The following CCDC127 variants were observed in gnomAD, a reference collection of about 807,000 sequenced individuals.
CCDC127 encodes the protein coiled-coil domain containing 127, also known as coiled-coil domain-containing protein 127.
CCDC127 carries 2 observed loss-of-function variants against 4.1 expected under a neutral mutation model. The observed-to-expected ratio is 0.49, with a 90% confidence interval of 0.20 to 1.53. The LOEUF is 1.53. Ranked by LOEUF, CCDC127 falls within the 40% of genes most tolerant of loss-of-function variation. The pLI is 0.23. For synonymous variants in CCDC127, 98 were observed against 120.4 expected (o/e 0.81, Z 1.22); for missense variants, 271 against 322.9 (o/e 0.84, Z 1.23).
In CCDC127 at chr5:196,919, C is replaced by T. The variant is rs1039726317; in HGVS notation, c.*8378G>A. Reference sequence around the variant, plus strand: ...GGACCGGCGCTCAGCATACCAAGGACCTGCACTGGCACCGGCCTCTGAGTT... The same window carrying T: ...GGACCGGCGCTCAGCATACCAAGGATCTGCACTGGCACCGGCCTCTGAGTT... On this transcript the variant is annotated 3_prime_UTR_variant, in exon 3 of 3. Transcript: ENST00000296824. 7 of 142,640 alleles carry T rather than the reference C, an allele frequency of 4.9e-5. No individual in the cohort carries two copies. Among genetic ancestry groups the T allele is most frequent in the African/African-American group, 1.8e-4 (7 of 39,096 alleles). 8.8% of individuals were successfully genotyped at this position (142,640 alleles called of 1,614,324 possible).
chr5:205,903 G>A lies in CCDC127; in HGVS notation c.177C>T (p.Tyr59=). 6.2e-7 allele frequency: 1 copy of A among 1,614,142 alleles called. No homozygotes were observed. Among genetic ancestry groups the A allele is most frequent in the Non-Finnish European group, 8.5e-7 (1 of 1,180,014 alleles). ...GTTGAAAAGCAGCAGTTCTCCGACG[G>A]TAGGCTTCTCTCTCTTTTTCTACTT... ...QKEVEKEREA[Y]RRRTAAFQQD... Residue 59 remains tyrosine, a synonymous_variant, in exon 3 of 3, where the codon TAC becomes TAT. Coordinates refer to ENST00000296824, the MANE Select transcript of CCDC127 (RefSeq NM_145265.3).
In CCDC127 at chr5:199,303, GC is replaced by G; in HGVS notation, c.*5993del. ...CAGTGGCCCCTGTGTGGTGGACGTG[GC>G]CCCTCTGTGTGGTGGACGTGGCCCC... is the stretch of plus-strand genomic sequence containing the variant. On this transcript the variant is annotated 3_prime_UTR_variant, in exon 3 of 3. Transcript: ENST00000296824. 1 of 154,588 alleles carries G rather than the reference GC, an allele frequency of 6.5e-6. No individual in the cohort carries two copies. Among genetic ancestry groups the G allele is most frequent in the Non-Finnish European group, 1.4e-5 (1 of 73,066 alleles). The allele number at this position is 154,588 out of a possible 1,614,324, so 9.6% of individuals were successfully genotyped here.
In CCDC127 at chr5:197,846, TCCC is replaced by T. The variant is rs1733997092; in HGVS notation, c.*7448_*7450del. ...CCCCAGTGGTCCCTGTGTCACCCCC[TCCC>T]CGAGTGTGTCCCCACCCCAGGGGCC... is the stretch of plus-strand genomic sequence containing the variant. On this transcript the variant is annotated 3_prime_UTR_variant, in exon 3 of 3. Transcript: ENST00000296824. 4.1e-5 allele frequency: 1 copy of T among 24,242 alleles called. No individual in the cohort carries two copies. Among genetic ancestry groups the T allele is most frequent in the African/African-American group, 1.9e-4 (1 of 5,250 alleles). The allele number at this position is 24,242 out of a possible 1,614,324, so 1.5% of individuals were successfully genotyped here. A position where few individuals can be genotyped will look rare whatever the true frequency, so the allele number is the denominator to read the frequency against.
In CCDC127 at chr5:205,192, G is replaced by T; in HGVS notation, c.*105C>A. 1 of 1,047,818 alleles carries T rather than the reference G, an allele frequency of 9.5e-7. No homozygotes were observed. The highest frequency in any genetic ancestry group is 1.4e-6 in the Non-Finnish European group (1 of 714,742). 64.9% of individuals were successfully genotyped at this position (1,047,818 alleles called of 1,614,324 possible). On this transcript the variant is annotated 3_prime_UTR_variant, in exon 3 of 3. Coordinates refer to ENST00000296824, the MANE Select transcript of CCDC127 (RefSeq NM_145265.3). ...GAGGTCGCTGCTGAAGGGTGACGGT[G>T]TGGCCATGACACGGGCAGCACGGGA...
intron 2 of CCDC127, chr5:215,398 G>A (rs1274059355): frequency 6.6e-6 from 1 of 152,218 alleles, no homozygotes; most frequent in Non-Finnish European, 1.5e-5. Flanking sequence ...AGCTGGAGAT[G>A]AGTCTGAAAA....
In CCDC127 at chr5:200,816, C is replaced by T. The variant is rs1258891658; in HGVS notation, c.*4481G>A. On this transcript the variant is annotated 3_prime_UTR_variant, in exon 3 of 3. Coordinates refer to ENST00000296824, the MANE Select transcript of CCDC127 (RefSeq NM_145265.3). ...GCGCAGTTACTCACACAAGTCAAGG[C>T]AGACGGAGCAAGCCCAGCACTTTCT... 1 of 152,338 alleles carries T rather than the reference C, an allele frequency of 6.6e-6. No individual in the cohort carries two copies. The highest frequency in any genetic ancestry group is 1.5e-5 in the Non-Finnish European group (1 of 68,154). The allele number at this position is 152,338 out of a possible 1,614,324, so 9.4% of individuals were successfully genotyped here. A position where few individuals can be genotyped will look rare whatever the true frequency, so the allele number is the denominator to read the frequency against.
intron 2 of CCDC127, among the ~76,000 whole-genome samples, chr5:208,090 T>C (rs944258156): frequency 1.3e-5 from 2 of 152,110 alleles, no homozygotes; most frequent in South Asian, 2.1e-4. Flanking sequence ...CTGACAGACT[T>C]TGGGCACACG....
chr5:205,787 C>T lies in CCDC127; in HGVS notation c.293G>A (p.Arg98Lys). Residue 98 changes from arginine (R) to lysine (K), a missense_variant, in exon 3 of 3, where the codon AGA becomes AAA. Transcript: ENST00000296824. ...AAGGGCTTCTCGGTAACTAGCAGTT[C>T]TGTTTTGTTCCTTTTCGAGTTCCAA... ...LSLELEKEQN[R>K]TASYREALIS... 1.2e-6 allele frequency: 2 copies of T among 1,614,188 alleles called. No homozygotes were observed. The highest frequency in any genetic ancestry group is 1.7e-6 in the Non-Finnish European group (2 of 1,180,042).
intron 1 of CCDC127, chr5:217,156 G>GA (rs112879515): frequency 7.5e-3 from 1,320 of 176,104 alleles, no homozygotes; most frequent in South Asian, 0.025. Context: ...AAAGAAAAAG[G>GA]AAAAAAAAAA....
chr5:218,005 C>T (rs2126519661), intron 1 of CCDC127, 88 bp downstream of exon 1: 1 of 814,224 alleles, frequency 1.2e-6, no homozygotes, highest in Admixed American at 5.5e-5. Flanking sequence ...GCGTTCAGGC[C>T]CTTCGGTCTG....
rs1021850704 is a variant in CCDC127 at position 204,263 on chromosome 5, T to A, written c.*1034A>T. ...GTGCTGAGTCCAACCCTGTGCTGAG[T>A]CCTGTGAGATCTCCCAGCAGGTCAC... On this transcript the variant is annotated 3_prime_UTR_variant, in exon 3 of 3. Transcript: ENST00000296824. The A allele has an allele frequency of 2.6e-5, 4 of 152,196 alleles. No homozygotes were observed. The highest frequency in any genetic ancestry group is 4.4e-5 in the Non-Finnish European group (3 of 68,088). The allele number at this position is 152,196 out of a possible 1,614,324, so 9.4% of individuals were successfully genotyped here. A position where few individuals can be genotyped will look rare whatever the true frequency, so the allele number is the denominator to read the frequency against.
At chr5:218,069 T>A (rs576368385) in intron 1 of CCDC127, 24 bp downstream of exon 1, 1 of 1,143,726 alleles carries the variant, frequency 8.7e-7, no homozygotes, top group South Asian at 4.3e-5. Flanking sequence ...GCCCACCACC[T>A]CCCCGGAACA....
At chr5:206,229 G>A (rs75994300) in intron 2 of CCDC127, among the ~76,000 whole-genome samples, 2,595 of 80,114 alleles carry the variant, frequency 0.032, 86 homozygotes, top group African/African-American at 0.18. Context: ...CCATTTGCCT[G>A]CTCCGGCTCT....
At chr5:206,055 A>G in intron 2 of CCDC127, 97 bp from the exon 3 acceptor site, 1 of 1,157,438 alleles carries the variant, frequency 8.6e-7, no homozygotes, top group Non-Finnish European at 1.2e-6. Context: ...ATAGTGTTTC[A>G]GTAAAAGCTT....
At position 205,739 on chromosome 5, in the gene CCDC127, A is replaced by G. The variant is rs763835917; in HGVS notation, c.341T>C (p.Val114Ala). 6.2e-7 allele frequency: 1 copy of G among 1,614,062 alleles called. No homozygotes were observed. Among genetic ancestry groups the G allele is most frequent in the Non-Finnish European group, 8.5e-7 (1 of 1,180,022 alleles). Residue 114 changes from valine to alanine, a missense_variant, in exon 3 of 3, where the codon GTA becomes GCA. Val to Ala is a moderately conservative substitution (Grantham distance 64, BLOSUM62 0). Around this residue, in one of 2 missense-constraint regions of CCDC127, gnomAD observed 265 missense variants for 270.9 expected, o/e 0.98. Transcript: ENST00000296824. ...EALISQGRKL[V>A]EEKKLLEQER... is the part of the protein sequence containing the mutation. ...CTGTTCCAGAAGCTTCTTTTCTTCT[A>G]CCAACTTGCGTCCCTGAGAGATAAG...
rs1315580168 is a variant in CCDC127 at position 197,033 on chromosome 5, A to AG, written c.*8263_*8264insC. On this transcript the variant is annotated 3_prime_UTR_variant, in exon 3 of 3. Coordinates refer to ENST00000296824, the MANE Select transcript of CCDC127 (RefSeq NM_145265.3). ...GATAATAAGGAGGAGGTCAGCAAAA[A>AG]CGTGTGAGCAAAAGAATCTATGTCG... 4 of 149,614 alleles carry AG rather than the reference A, an allele frequency of 2.7e-5. No individual in the cohort carries two copies. Among genetic ancestry groups the AG allele is most frequent in the African/African-American group, 5.1e-5 (2 of 39,214 alleles). The allele number at this position is 149,614 out of a possible 1,614,324, so 9.3% of individuals were successfully genotyped here.
At chr5:215,952 C>G (rs934563059) in intron 2 of CCDC127, 11 of 130,620 alleles carry the variant, frequency 8.4e-5, no homozygotes, top group Non-Finnish European at 1.7e-4. Context: ...CCAAGTCAAT[C>G]TAAACTAGAG....
intron 1 of CCDC127, 56 bp downstream of exon 1, chr5:218,008 TCGGTCTGGGCGATCCCGGAGAACCACCCA>T (rs1396746244): frequency 1.2e-6 from 1 of 828,896 alleles, no homozygotes; most frequent in Non-Finnish European, 1.5e-6. Flanking sequence ...TTCAGGCCCT[TCGGTCTGGGCGATCCCGGAGAACCACCCA>T]CGGGGCTTTA....
In CCDC127 at chr5:205,396, G is replaced by A; in HGVS notation, c.684C>T (p.Arg228=). ...YCGDVWNTNK[R]QNGRLMWLYL... The stretch of plus-strand genomic sequence containing the variant: ...AGAGCCACATGAGTCTGCCATTCTG[G>A]CGTTTGTTGGTGTTCCAGACATCAC... Residue 228 remains arginine, a synonymous_variant, in exon 3 of 3, where the codon CGC becomes CGT. Coordinates refer to ENST00000296824, the MANE Select transcript of CCDC127 (RefSeq NM_145265.3). 6.2e-7 allele frequency: 1 copy of A among 1,614,194 alleles called. No homozygotes were observed. The highest frequency in any genetic ancestry group is 8.5e-7 in the Non-Finnish European group (1 of 1,180,048).
Sources: allele counts gnomAD v4.1 joint callset (sites outside exome capture counted in the v4.1 genomes callset), GRCh38; gene constraint gnomAD v4.1.1; regional missense constraint gnomAD v4.1.1; transcripts MANE v1.5; gene names NCBI Gene and HGNC (gene_info 2026-07-23, HGNC 2026-07-21).